RBM34: variants seen among roughly 807,000 people sequenced by gnomAD.
The protein encoded by RBM34 is RNA-binding protein 34.
In RBM34, 39 loss-of-function variants were observed where a neutral mutation model predicts 44.6. The ratio of observed to expected loss-of-function variants is 0.87; its 90% CI spans 0.68 to 1.14. The LOEUF is 1.14. Among genes scored for constraint, RBM34 ranks in the 50% most tolerant of loss-of-function variants. The pLI is 0.00. For missense variants in RBM34, 572 were observed against 517.9 expected (o/e 1.10, Z -1.01); for synonymous variants, 194 against 184.0 (o/e 1.05, Z -0.44).
At chr1:235,139,835 G>A (rs34003373) in intron 6 of RBM34, among the ~76,000 whole-genome samples, 22,431 of 152,152 alleles carry the variant, frequency 0.15, 1,813 homozygotes, top group Middle Eastern at 0.19. Context: ...CTCTACGATG[G>A]CCGAGCACAG....
chr1:235,134,326 A>C (rs1466120971), intron 10 of RBM34, among the ~76,000 whole-genome samples: 1 of 151,926 alleles, frequency 6.6e-6, no homozygotes, highest in East Asian at 1.9e-4. Context: ...ACCCAGCCTT[A>C]CTTGTATATT....
intron 6 of RBM34, among the ~76,000 whole-genome samples, chr1:235,141,249 A>G (rs1449640899): frequency 3.3e-5 from 5 of 151,320 alleles, no homozygotes; most frequent in African/African-American, 4.9e-5. Flanking sequence ...GGTTGTAAAT[A>G]CACCAATCGG....
At chr1:235,153,151 T>G (rs140252487) in intron 4 of RBM34, among the ~76,000 whole-genome samples, 2,134 of 152,172 alleles carry the variant, frequency 0.014, 28 homozygotes, top group Non-Finnish European at 0.021. Context: ...ATTACAGGCA[T>G]GAGCCACCGC....
chr1:235,134,996 G>A (rs1191771321), intron 10 of RBM34, among the ~76,000 whole-genome samples: 12 of 151,440 alleles, frequency 7.9e-5, no homozygotes, highest in African/African-American at 2.4e-4. Context: ...CACCCGCCTC[G>A]GCCTCCCAAA....
chr1:235,140,824 CCT>C (rs1330732786), intron 6 of RBM34, among the ~76,000 whole-genome samples: 2 of 151,972 alleles, frequency 1.3e-5, no homozygotes, highest in East Asian at 3.9e-4. Flanking sequence ...CAATCAGCAC[CCT>C]GTGTCTAGCT....
chr1:235,155,086 A>G lies in RBM34; in HGVS notation c.392T>C (p.Leu131Ser), dbSNP rs529422842. ...DRESALASAD[L>S]EEEIHQKQGQ... ...TTGTTTCTGGTGAATTTCTTCTTCT[A>G]AATCAGCACTCGCTAGAGCGCTTTC... Residue 131 changes from leucine to serine, a missense_variant, in exon 4 of 11, where the codon TTA becomes TCA. Transcript: ENST00000408888. 2.8e-5 allele frequency: 45 copies of G among 1,613,604 alleles called. No individual in the cohort carries two copies. In the South Asian group the frequency reaches 4.9e-4, roughly 18 times the overall value.
intron 3 of RBM34, among the ~76,000 whole-genome samples, chr1:235,157,893 A>G (rs1296788026): frequency 1.3e-5 from 2 of 152,174 alleles, no homozygotes; most frequent in African/African-American, 4.8e-5. Context: ...GTCAGGACGG[A>G]GAATAAAACC....
At chr1:235,135,522 C>T in intron 10 of RBM34, 130 bp downstream of exon 10, 2 of 830,534 alleles carry the variant, frequency 2.4e-6, no homozygotes, top group Non-Finnish European at 2.0e-6. Flanking sequence ...AGTCACTGCA[C>T]CTAGCCCAGT....
At chr1:235,154,766 A>G (rs922991067) in intron 4 of RBM34, 115 bp downstream of exon 4, 10 of 841,990 alleles carry the variant, frequency 1.2e-5, no homozygotes, top group Middle Eastern at 3.4e-4. Flanking sequence ...TATTAGGATG[A>G]TTTATGTAAT....
chr1:235,137,901 A>C lies in RBM34; in HGVS notation c.825T>G (p.Val275=). 7 of 1,601,352 alleles carry C rather than the reference A, an allele frequency of 4.4e-6. No homozygotes were observed. Among genetic ancestry groups the C allele is most frequent in the Non-Finnish European group, 6.0e-6 (7 of 1,170,602 alleles). ...CAGATGAGGTCTCAGATGCGAGATC[A>C]ACTCTAATACGAAATCCATCTGCAA... The part of the protein sequence containing the change: ...AQIADGFRIR[V]DLASETSSRD... The change falls in exon 8 of 11, where the codon GTT becomes GTG. Residue 275 remains valine (V), a synonymous_variant. Transcript: ENST00000408888.
At chr1:235,157,348 G>A (rs1662494584) in intron 3 of RBM34, among the ~76,000 whole-genome samples, 1 of 152,136 alleles carries the variant, frequency 6.6e-6, no homozygotes, top group Non-Finnish European at 1.5e-5. Flanking sequence ...GCATCATCAG[G>A]ACTCGGCAAC....
chr1:235,133,318 G>A (rs1661290790), intron 10 of RBM34, among the ~76,000 whole-genome samples: 1 of 152,214 alleles, frequency 6.6e-6, no homozygotes, highest in South Asian at 2.1e-4. Flanking sequence ...TCCAGCCTGA[G>A]CAACAGAGTG....
intron 3 of RBM34, 72 bp downstream of exon 3, chr1:235,160,439 G>C (rs535835019): frequency 3.4e-6 from 5 of 1,481,362 alleles, no homozygotes; most frequent in Non-Finnish European, 4.7e-6. Context: ...TAAAACTGAC[G>C]AATATTCCAA....
intron 4 of RBM34, among the ~76,000 whole-genome samples, 197 bp from the exon 5 acceptor site, chr1:235,152,962 C>A (rs1347019892): frequency 6.6e-6 from 1 of 151,242 alleles, no homozygotes; most frequent in African/African-American, 2.4e-5. Context: ...TCCGCCCCCA[C>A]GGCTTCAAGT....
intron 6 of RBM34, among the ~76,000 whole-genome samples, chr1:235,142,627 A>G (rs1266636256): frequency 6.6e-6 from 1 of 151,948 alleles, no homozygotes; most frequent in Non-Finnish European, 1.5e-5. Flanking sequence ...AAAACTTTCA[A>G]TCTTTAAGAG....
chr1:235,160,382 C>G, intron 3 of RBM34, 129 bp downstream of exon 3: 1 of 1,233,012 alleles, frequency 8.1e-7, no homozygotes, highest in Non-Finnish European at 1.2e-6. Flanking sequence ...TCTATATGTA[C>G]TGGATTTTCC....
At position 235,161,023 on chromosome 1, in the gene RBM34, T is replaced by C. The variant is rs779112192; in HGVS notation, c.98A>G (p.Tyr33Cys). ...GCTACTGGCGACCTGTCCAAGCCTG[T>C]AGTCTTCCGGCGGACTCCCGCGAAC... ...DGVRGSPPED[Y>C]RLGQVASSLF... The change falls in exon 2 of 11, where the codon TAC becomes TGC. Residue 33 changes from tyrosine (Y) to cysteine (C), a missense_variant. Tyr to Cys is a radical substitution (Grantham distance 194). Coordinates refer to ENST00000408888, the MANE Select transcript of RBM34 (RefSeq NM_015014.4). The C allele has an allele frequency of 8.1e-6, 13 of 1,613,916 alleles. No homozygotes were observed. The highest frequency in any genetic ancestry group is 1.1e-5 in the Non-Finnish European group (13 of 1,179,974).
At chr1:235,160,842 G>A (rs1293314078) in intron 2 of RBM34, 51 bp downstream of exon 2, 1 of 1,597,980 alleles carries the variant, frequency 6.3e-7, no homozygotes, top group East Asian at 2.2e-5. Context: ...AGATTGCTTT[G>A]TATGTAAGTG....
chr1:235,132,810 T>C (rs867903150), intron 10 of RBM34, among the ~76,000 whole-genome samples: 16 of 152,190 alleles, frequency 1.1e-4, no homozygotes, highest in Middle Eastern at 6.8e-3. Context: ...ACCCTGAATA[T>C]CCATGAGATG....
Sources: allele counts gnomAD v4.1 joint callset (sites outside exome capture counted in the v4.1 genomes callset), GRCh38; gene constraint gnomAD v4.1.1; transcripts MANE v1.5; gene names NCBI Gene and HGNC (gene_info 2026-07-23, HGNC 2026-07-21).